Variants in CLTCL1 observed in about 807,000 individuals in gnomAD.
CLTCL1 encodes the protein clathrin heavy chain like 1, also known as clathrin heavy chain 2.
In CLTCL1, 159 loss-of-function variants were observed where a neutral mutation model predicts 190.0. The ratio of observed to expected loss-of-function variants is 0.84; its 90% confidence interval spans 0.74 to 0.95. The LOEUF is 0.95. Among genes scored for constraint, CLTCL1 ranks in the 40% least tolerant of loss-of-function variants. CLTCL1 has a pLI of 0.00. For missense variants in CLTCL1, 1,878 were observed against 2,033.4 expected (o/e 0.92, Z 1.47); for synonymous variants, 752 against 769.6 (o/e 0.98, Z 0.38).
At chr22:19,190,598 A>T (rs1555931091) in intron 27 of CLTCL1, among the ~76,000 whole-genome samples, 1 of 19,030 alleles carries the variant, frequency 5.3e-5, no homozygotes, top group Admixed American at 5.3e-4. Flanking sequence ...GACTGTCTCA[A>T]AAAAAAAAAA....
chr22:19,262,580 C>T (rs1341465305), intron 2 of CLTCL1, among the ~76,000 whole-genome samples: 4 of 149,524 alleles, frequency 2.7e-5, no homozygotes, highest in Admixed American at 2.7e-4. Flanking sequence ...TACAGTGAGC[C>T]GAGATTGCAC....
chr22:19,291,560 C>A, intron 1 of CLTCL1, 40 bp downstream of exon 1: 1 of 1,329,898 alleles, frequency 7.5e-7, no homozygotes, highest in Non-Finnish European at 9.7e-7. Context: ...CCGGCGGAGG[C>A]GCGGCTGACA....
intron 1 of CLTCL1, among the ~76,000 whole-genome samples, chr22:19,288,165 A>G (rs2087975932): frequency 6.6e-6 from 1 of 152,174 alleles, no homozygotes; most frequent in African/African-American, 2.4e-5. Flanking sequence ...TGACTGTTGC[A>G]GCATCACAGA....
At chr22:19,231,750 A>T (rs2085923375) in intron 10 of CLTCL1, among the ~76,000 whole-genome samples, 1 of 152,212 alleles carries the variant, frequency 6.6e-6, no homozygotes, top group African/African-American at 2.4e-5. Flanking sequence ...AGAAGTTTAT[A>T]TTTTGAACAA....
chr22:19,205,929 G>GT (rs11459393), intron 22 of CLTCL1, among the ~76,000 whole-genome samples: 97,758 of 145,246 alleles, frequency 0.67, 33,668 homozygotes, highest in African/African-American at 0.84. Flanking sequence ...TCCAACCATT[G>GT]TTTTTTTTTT....
intron 1 of CLTCL1, among the ~76,000 whole-genome samples, chr22:19,277,448 C>T (rs965673694): frequency 2.8e-4 from 43 of 152,138 alleles, no homozygotes; most frequent in South Asian, 6.2e-4. Context: ...TCCATTTTAA[C>T]ACAGAAAAGA....
chr22:19,289,286 T>C (rs1555991920), intron 1 of CLTCL1, among the ~76,000 whole-genome samples: 1 of 152,206 alleles, frequency 6.6e-6, no homozygotes, highest in African/African-American at 2.4e-5. Flanking sequence ...CTCGGCCTGA[T>C]TTTATTTTTT....
intron 1 of CLTCL1, among the ~76,000 whole-genome samples, chr22:19,280,617 G>A (rs1473767632): frequency 2.6e-5 from 4 of 151,788 alleles, no homozygotes; most frequent in Non-Finnish European, 5.9e-5. Flanking sequence ...TCAGGAGATC[G>A]AGACCAGCCT....
intron 1 of CLTCL1, among the ~76,000 whole-genome samples, chr22:19,278,750 C>T (rs1017445172): frequency 2.6e-5 from 4 of 152,084 alleles, no homozygotes; most frequent in Non-Finnish European, 5.9e-5. Flanking sequence ...TTTTGTTTTG[C>T]TTTGTTTTTG....
chr22:19,240,912 C>T (rs1447978116), intron 4 of CLTCL1, among the ~76,000 whole-genome samples: 1 of 152,222 alleles, frequency 6.6e-6, no homozygotes, highest in Non-Finnish European at 1.5e-5. Context: ...AGAACTGTGT[C>T]CAGGCAAGCT....
chr22:19,262,012 T>A (rs868960161), intron 2 of CLTCL1, among the ~76,000 whole-genome samples: 12 of 152,240 alleles, frequency 7.9e-5, no homozygotes, highest in Admixed American at 2.0e-4. Context: ...TGTCTTTTTT[T>A]AAAATTATTT....
At chr22:19,254,900 G>A (rs2146093081) in intron 2 of CLTCL1, among the ~76,000 whole-genome samples, 1 of 152,204 alleles carries the variant, frequency 6.6e-6, no homozygotes, top group Non-Finnish European at 1.5e-5. Context: ...CAAAATATTT[G>A]GCATCCATTC....
chr22:19,245,900 TC>T lies in CLTCL1; in HGVS notation c.520-2965del, dbSNP rs1555967733. ...GATACACCACAACTTGTTTATCCAC[TC>T]ATTTGCTGGTGAACATTTGGGCTGT... On this transcript the variant is annotated intron_variant, in intron 3 of 32. Coordinates refer to ENST00000427926, the MANE Select transcript of CLTCL1 (RefSeq NM_007098.4). Among the ~76,000 whole-genome samples the T allele has an allele frequency of 2.0e-5, 3 of 152,328 alleles. No individual in the cohort carries two copies. In the East Asian group the frequency reaches 5.8e-4, roughly 29 times the overall value.
intron 2 of CLTCL1, among the ~76,000 whole-genome samples, chr22:19,272,963 C>G (rs543678747): frequency 2.0e-5 from 3 of 152,072 alleles, no homozygotes; most frequent in Admixed American, 6.6e-5. Context: ...AAGGGAGGTC[C>G]GAGAGCTGCT....
chr22:19,258,609 G>A (rs2086843503), intron 2 of CLTCL1: 3 of 625,658 alleles, frequency 4.8e-6, no homozygotes, highest in Non-Finnish European at 8.9e-6. Context: ...GGAGTACGAG[G>A]CCTGGAACAT....
intron 10 of CLTCL1, among the ~76,000 whole-genome samples, chr22:19,231,585 A>G: frequency 6.6e-6 from 1 of 152,232 alleles, no homozygotes. Flanking sequence ...ATTTACTTAG[A>G]CAATTATTAA....
chr22:19,205,707 T>C (rs1555942378), intron 22 of CLTCL1, among the ~76,000 whole-genome samples: 3 of 152,226 alleles, frequency 2.0e-5, no homozygotes, highest in African/African-American at 7.2e-5. Context: ...TTCAAATATT[T>C]ATGTATTAGC....
chr22:19,202,698 C>T (rs1399604959), intron 22 of CLTCL1, among the ~76,000 whole-genome samples: 3 of 152,196 alleles, frequency 2.0e-5, no homozygotes, highest in Non-Finnish European at 4.4e-5. Context: ...TCTACTGCCA[C>T]CCCTCCTTCC....
In CLTCL1 at chr22:19,186,868, TG is replaced by T. The variant is rs1411304739; in HGVS notation, c.4605+689del. On this transcript the variant is annotated intron_variant, in intron 29 of 32. Coordinates refer to ENST00000427926, the MANE Select transcript of CLTCL1 (RefSeq NM_007098.4). Reference sequence around the variant, plus strand: ...TGCCCACCTCAGCCTCCCAAAGTGCTGGGATTACAGGTGTGAGCCACCACGT... The same window carrying T: ...TGCCCACCTCAGCCTCCCAAAGTGCTGGATTACAGGTGTGAGCCACCACGT... Among the ~76,000 whole-genome samples, 4 of 152,256 alleles carry T rather than the reference TG, an allele frequency of 2.6e-5. No individual in the cohort carries two copies. The East Asian group carries it at 7.7e-4, about 29-fold the overall frequency.
Sources: allele counts gnomAD v4.1 joint callset (sites outside exome capture counted in the v4.1 genomes callset), GRCh38; gene constraint gnomAD v4.1.1; transcripts MANE v1.5; gene names NCBI Gene and HGNC (gene_info 2026-07-23, HGNC 2026-07-21).